Variants in C6 observed in about 807,000 individuals in gnomAD.
C6 encodes complement component C6.
Under a neutral mutation model 112.9 loss-of-function variants are expected in C6, and 101 were observed. That is an observed-to-expected ratio of 0.89 (90% CI 0.76 to 1.06). The LOEUF (loss-of-function observed/expected upper bound fraction) is 1.06, where lower values mean the gene tolerates loss of function less well. Among genes scored for constraint, C6 ranks in the 50% least tolerant of loss-of-function variants. The pLI is 0.00. For missense variants in C6, 1,202 were observed against 1,104.6 expected (o/e 1.09, Z -1.25); for synonymous variants, 431 against 384.1 (o/e 1.12, Z -1.43).
intron 2 of C6, among the ~76,000 whole-genome samples, 161 bp downstream of exon 2, chr5:41,202,927 T>C (rs1751143603): frequency 6.6e-6 from 1 of 152,228 alleles, no homozygotes; most frequent in South Asian, 2.1e-4. Context: ...TAGACTTCCT[T>C]TCAACCTCAT....
chr5:41,166,957 A>T (rs567100266), intron 9 of C6, among the ~76,000 whole-genome samples: 1 of 152,228 alleles, frequency 6.6e-6, no homozygotes, highest in African/African-American at 2.4e-5. Flanking sequence ...ACAGTAAATG[A>T]ATCCAGTTCT....
At chr5:41,199,721 T>C in intron 4 of C6, 47 bp downstream of exon 4, 1 of 1,586,340 alleles carries the variant, frequency 6.3e-7, no homozygotes, top group Non-Finnish European at 8.7e-7. Context: ...TTTGATTTAG[T>C]CAAGCTATTT....
chr5:41,217,534 T>G (rs1238098243), upstream of C6, among the ~76,000 whole-genome samples: 1 of 152,120 alleles, frequency 6.6e-6, no homozygotes, highest in Non-Finnish European at 1.5e-5. Flanking sequence ...GAGGTAACAA[T>G]CTTTCATATA....
intron 8 of C6, among the ~76,000 whole-genome samples, chr5:41,174,528 A>C (rs767911339): frequency 2.0e-5 from 3 of 152,190 alleles, no homozygotes; most frequent in African/African-American, 7.2e-5. Context: ...GGATATTTTT[A>C]TTGTTTGATG....
chr5:41,167,374 A>C (rs1008006499), intron 9 of C6, among the ~76,000 whole-genome samples: 2 of 152,176 alleles, frequency 1.3e-5, no homozygotes, highest in African/African-American at 4.8e-5. Flanking sequence ...AATGATAAAA[A>C]ATGTATACAA....
chr5:41,185,926 G>A (rs1749731127), intron 6 of C6, 144 bp downstream of exon 6: 6 of 1,016,960 alleles, frequency 5.9e-6, no homozygotes, highest in Non-Finnish European at 9.0e-6. Flanking sequence ...TGTGTGCATG[G>A]ATAAAATACA....
At chr5:41,172,622 C>T (rs1282865849) in intron 8 of C6, 6 of 508,034 alleles carry the variant, frequency 1.2e-5, no homozygotes, top group Admixed American at 6.4e-5. Context: ...CATTTTGGCC[C>T]TTCCCATGGG....
intron 7 of C6, among the ~76,000 whole-genome samples, chr5:41,178,306 G>T (rs1749021044): frequency 3.3e-5 from 5 of 151,092 alleles, no homozygotes; most frequent in Admixed American, 3.3e-4. Flanking sequence ...CAGACTGTTT[G>T]TCCAACAAAT....
intron 2 of C6, among the ~76,000 whole-genome samples, chr5:41,202,100 T>A (rs534390678): frequency 6.6e-6 from 1 of 152,204 alleles, no homozygotes; most frequent in African/African-American, 2.4e-5. Flanking sequence ...GAGAGAAAGA[T>A]CCTGCAAACT....
intron 1 of C6, among the ~76,000 whole-genome samples, chr5:41,234,879 T>C (rs1414684312): frequency 6.6e-6 from 1 of 152,148 alleles, no homozygotes; most frequent in Non-Finnish European, 1.5e-5. Context: ...TAATTTATTG[T>C]TGCCTGTTGC....
chr5:41,174,504 C>T (rs1748682247), intron 8 of C6, among the ~76,000 whole-genome samples: 1 of 152,128 alleles, frequency 6.6e-6, no homozygotes, highest in Admixed American at 6.6e-5. Flanking sequence ...TTAAAATTAT[C>T]CTCTTGCATA....
intron 13 of C6, among the ~76,000 whole-genome samples, chr5:41,158,419 T>A (rs532544164): frequency 6.6e-6 from 1 of 152,308 alleles, no homozygotes; most frequent in South Asian, 2.1e-4. Flanking sequence ...TACAATCCTA[T>A]ATTATACTGA....
At chr5:41,168,378 C>T (rs2150291677) in intron 9 of C6, among the ~76,000 whole-genome samples, 1 of 152,162 alleles carries the variant, frequency 6.6e-6, no homozygotes, top group South Asian at 2.1e-4. Context: ...AGGCATTTTG[C>T]TTGTTGATTT....
chr5:41,253,778 A>T (rs185987147), intron 1 of C6, among the ~76,000 whole-genome samples: 36 of 152,322 alleles, frequency 2.4e-4, no homozygotes, highest in Non-Finnish European at 3.5e-4. Flanking sequence ...AGTGTTTTTT[A>T]AAAATATGGT....
At chr5:41,252,486 C>A (rs1451197865) in intron 1 of C6, among the ~76,000 whole-genome samples, 1 of 152,164 alleles carries the variant, frequency 6.6e-6, no homozygotes, top group Non-Finnish European at 1.5e-5. Flanking sequence ...CAGTGAGATA[C>A]CCAACTCCAA....
At position 41,150,005 on chromosome 5, in the gene C6, C is replaced by T; in HGVS notation, c.2311G>A (p.Gly771Ser). ...TGTTTCTGTCCCAGCTGACAATGGC[C>T]TTTTAATTTTGTTAGAGTATCTGAA... ...CEKDTLTKLKGHCQLGQKQSG... is the reference protein window; with the variant it reads ...CEKDTLTKLKSHCQLGQKQSG... The change falls in exon 16 of 18, where the codon GGC becomes AGC. Residue 771 changes from glycine (G) to serine (S), a missense_variant. Transcript: ENST00000337836. 1 of 1,612,178 alleles carries T rather than the reference C, an allele frequency of 6.2e-7. No homozygotes were observed. The highest frequency in any genetic ancestry group is 8.5e-7 in the Non-Finnish European group (1 of 1,178,488).
intron 4 of C6, among the ~76,000 whole-genome samples, chr5:41,199,282 C>T (rs1183771661): frequency 6.6e-6 from 1 of 152,090 alleles, no homozygotes; most frequent in Non-Finnish European, 1.5e-5. Flanking sequence ...GATAGGAGGT[C>T]AATGAACTAT....
chr5:41,224,509 G>A (rs1019646121), intron 1 of C6, among the ~76,000 whole-genome samples: 3 of 151,628 alleles, frequency 2.0e-5, no homozygotes, highest in East Asian at 1.9e-4. Context: ...ATAATACGTC[G>A]TCTTTTGAGA....
At chr5:41,206,454 T>C (rs1751442485) in intron 1 of C6, among the ~76,000 whole-genome samples, 1 of 152,162 alleles carries the variant, frequency 6.6e-6, no homozygotes, top group South Asian at 2.1e-4. Flanking sequence ...TTTGAACCCA[T>C]TGCAAAGAGG....
Sources: gnomAD v4.1 joint callset for allele counts (sites outside exome capture counted in the v4.1 genomes callset) on GRCh38, gnomAD v4.1.1 for gene constraint, MANE v1.5 for transcripts, NCBI Gene and HGNC (gene_info 2026-07-23, HGNC 2026-07-21) for gene names.